NSA2: variants seen among roughly 807,000 people sequenced by gnomAD.
NSA2 encodes the protein NSA2 ribosome biogenesis factor, also known as ribosome biogenesis protein NSA2 homolog.
Under a neutral mutation model 34.8 loss-of-function variants are expected in NSA2, and 18 were observed. The ratio of observed to expected loss-of-function variants is 0.52; its 90% CI spans 0.36 to 0.77. The LOEUF (loss-of-function observed/expected upper bound fraction) is 0.77, where lower values mean the gene tolerates loss of function less well. NSA2 is among the 30% of genes least tolerant of loss of function. The pLI is 0.00. For missense variants in NSA2, 188 were observed against 314.7 expected (o/e 0.60, Z 3.05); for synonymous variants, 79 against 100.2 (o/e 0.79, Z 1.26).
Position 74,770,778 on chromosome 5 carries a change from C to T in NSA2, c.490C>T (p.Pro164Ser). The T allele has an allele frequency of 6.2e-7, 1 of 1,610,618 alleles. No individual in the cohort carries two copies. Among genetic ancestry groups the T allele is most frequent in the Non-Finnish European group, 8.5e-7 (1 of 1,178,804 alleles). ...TGTTGGAGATGGCTTTACAAGAAAACCACCTAAATATGAAAGATTCATCAG... is the reference window on the plus strand; with the variant it reads ...TGTTGGAGATGGCTTTACAAGAAAATCACCTAAATATGAAAGATTCATCAG... The part of the protein sequence containing the change: ...CFVGDGFTRK[P>S]PKYERFIRPM... The change falls in exon 4 of 6, where the codon CCA becomes TCA. Residue 164 changes from proline to serine, a missense_variant. Pro to Ser is a moderately conservative substitution (Grantham distance 74). Coordinates refer to ENST00000610426, the MANE Select transcript of NSA2 (RefSeq NM_014886.6).
At position 74,774,030 on chromosome 5, in the gene NSA2, C is replaced by A. The variant is rs368758562; in HGVS notation, c.685C>A (p.Leu229Ile). 1.5e-5 allele frequency: 24 copies of A among 1,613,618 alleles called. No homozygotes were observed. The highest frequency in any genetic ancestry group is 2.0e-5 in the Non-Finnish European group (24 of 1,179,834). Residue 229 changes from leucine (L) to isoleucine (I), a missense_variant, in exon 5 of 6, where the codon CTT becomes ATT. Physicochemically the swap from Leu to Ile is conservative, Grantham distance 5. Transcript: ENST00000610426. ...TGAAGTAAATGTGAGCGAATTGGGCCTTGTGACACAAGGAGGCAAAGTTAT... is the reference window on the plus strand; with the variant it reads ...TGAAGTAAATGTGAGCGAATTGGGCATTGTGACACAAGGAGGCAAAGTTAT... ...VIEVNVSELG[L>I]VTQGGKVIWG...
chr5:74,773,750 G>T, intron 4 of NSA2, 118 bp from the exon 5 acceptor site: 1 of 712,186 alleles, frequency 1.4e-6, no homozygotes, highest in South Asian at 2.3e-5. Flanking sequence ...TCTTTAAGAT[G>T]ACATTATTCA....
intron 1 of NSA2, among the ~76,000 whole-genome samples, chr5:74,768,016 C>T (rs904289125): frequency 2.0e-5 from 3 of 152,164 alleles, no homozygotes; most frequent in Admixed American, 6.5e-5. Flanking sequence ...TTTTTGCAGC[C>T]TTAAAATACG....
rs578178353 is a variant in NSA2, at chr5:74,777,086, T to TGTTAA, written c.*419_*423dup. The TGTTAA allele has an allele frequency of 1.9e-3, 295 of 153,338 alleles. 1 individual carries two copies. Among genetic ancestry groups the TGTTAA allele is most frequent in the Non-Finnish European group, 1.9e-3 (135 of 70,440 alleles). 9.5% of individuals were successfully genotyped at this position (153,338 alleles called of 1,614,324 possible). ...AAAAGGTAGGTAGCATTAATACAGA[T>TGTTAA]GTTAAGTTTATAGTGTTTGTTTACA... is the stretch of plus-strand genomic sequence containing the variant. On this transcript the variant is annotated 3_prime_UTR_variant, in exon 6 of 6. Transcript: ENST00000610426.
rs1456754930 is a variant in NSA2, at chr5:74,767,285, T to C, written c.-76T>C. ...TCCCGGCCTGCGTGGTGTGGGCTTG[T>C]GGGTCTTTGAGACCCGAAAATTGAG... On this transcript the variant is annotated 5_prime_UTR_variant, in exon 1 of 6. Transcript: ENST00000610426. The C allele has an allele frequency of 1.0e-5, 16 of 1,589,542 alleles. No individual in the cohort carries two copies. The Admixed American group carries it at 2.7e-4, about 27-fold the overall frequency.
At chr5:74,774,691 G>A (rs1348675814) in intron 5 of NSA2, among the ~76,000 whole-genome samples, 1 of 152,006 alleles carries the variant, frequency 6.6e-6, no homozygotes, top group African/African-American at 2.4e-5. Flanking sequence ...TAAGAAAATA[G>A]AATAAATTAA....
In NSA2 at chr5:74,778,285, A is replaced by G. The variant is rs151163741; in HGVS notation, c.*1614A>G. On this transcript the variant is annotated 3_prime_UTR_variant, in exon 6 of 6. Coordinates refer to ENST00000610426, the MANE Select transcript of NSA2 (RefSeq NM_014886.6). ...TAACACAGATGAGTAATATTAGTATAAATTTTTTATGTACATTAAGATCTG... is the reference window on the plus strand; with the variant it reads ...TAACACAGATGAGTAATATTAGTATGAATTTTTTATGTACATTAAGATCTG... 3.9e-5 allele frequency: 6 copies of G among 152,194 alleles called. No individual in the cohort carries two copies. The East Asian group carries it at 1.2e-3, about 29-fold the overall frequency. 9.4% of individuals were successfully genotyped at this position (152,194 alleles called of 1,614,324 possible).
Position 74,774,173 on chromosome 5 carries a change from A to G in NSA2, c.715+113A>G, listed in dbSNP as rs1580057138. 7 of 611,044 alleles carry G rather than the reference A, an allele frequency of 1.1e-5. No individual in the cohort carries two copies. The East Asian group carries it at 1.9e-4, about 16-fold the overall frequency. The allele number at this position is 611,044 out of a possible 1,614,324, so 37.9% of individuals were successfully genotyped here. On this transcript the variant is annotated intron_variant, in intron 5 of 5. Transcript: ENST00000610426. ...CAAATTTTTTTAATGCAGTAGAGCT[A>G]AAACACTGTAAATCAGATGTAAATA...
Position 74,773,927 on chromosome 5 carries a change from A to G in NSA2, c.582A>G (p.Leu194=), listed in dbSNP as rs2112422597. The change falls in exon 5 of 6, where the codon CTA becomes CTG. Residue 194 remains leucine, a synonymous_variant. Coordinates refer to ENST00000610426, the MANE Select transcript of NSA2 (RefSeq NM_014886.6). ...CTGAACTGAAAGCCACCTTTTGCCT[A>G]CCAATACTTGGTGTAAAGAAGAATC... ...THPELKATFC[L]PILGVKKNPS... 1 of 1,613,974 alleles carries G rather than the reference A, an allele frequency of 6.2e-7. No homozygotes were observed. Among genetic ancestry groups the G allele is most frequent in the South Asian group, 1.1e-5 (1 of 91,076 alleles).
At chr5:74,773,771 T>C (rs1745022508) in intron 4 of NSA2, 97 bp from the exon 5 acceptor site, 2 of 894,088 alleles carry the variant, frequency 2.2e-6, no homozygotes, top group Non-Finnish European at 3.4e-6. Flanking sequence ...ACCATAGTTT[T>C]TTGGAGATGG....
chr5:74,770,471 T>C (rs985318858), intron 3 of NSA2, among the ~76,000 whole-genome samples, 160 bp from the exon 4 acceptor site: 1 of 152,180 alleles, frequency 6.6e-6, no homozygotes, highest in African/African-American at 2.4e-5. Context: ...ATTTGCAGCT[T>C]ATGAGACAAT....
chr5:74,773,367 G>A (rs1398692187), intron 4 of NSA2, among the ~76,000 whole-genome samples: 4 of 151,518 alleles, frequency 2.6e-5, no homozygotes, highest in Non-Finnish European at 4.4e-5. Flanking sequence ...GGCTAGCTGT[G>A]GTGGCCTGTA....
At chr5:74,771,428 A>T (rs937412268) in intron 4 of NSA2, 2 of 152,232 alleles carry the variant, frequency 1.3e-5, no homozygotes, top group Non-Finnish European at 2.9e-5. Context: ...AGTGATCTAC[A>T]ATATGCCTGA....
intron 3 of NSA2, among the ~76,000 whole-genome samples, chr5:74,770,099 G>C (rs1744867453): frequency 6.6e-6 from 1 of 152,174 alleles, no homozygotes; most frequent in Non-Finnish European, 1.5e-5. Context: ...GGGAAGCCAA[G>C]GCAGGTGGAT....
intron 5 of NSA2, among the ~76,000 whole-genome samples, chr5:74,774,784 A>G (rs1346127411): frequency 6.6e-6 from 1 of 152,254 alleles, no homozygotes; most frequent in Non-Finnish European, 1.5e-5. Flanking sequence ...CAATGACTAA[A>G]GATGTCTTCC....
In NSA2 at chr5:74,770,813, A is replaced by G. The variant is rs777126102; in HGVS notation, c.522+3A>G. 17 of 1,566,466 alleles carry G rather than the reference A, an allele frequency of 1.1e-5. No individual in the cohort carries two copies. The highest frequency in any genetic ancestry group is 1.5e-5 in the Non-Finnish European group (17 of 1,159,628). ...ATGAAAGATTCATCAGGCCAATGGT[A>G]AGTCCTTGGAAGAGTGTAATGACCG... On this transcript the variant is annotated splice_donor_region_variant and intron_variant, in intron 4 of 5. Transcript: ENST00000610426.
chr5:74,772,057 C>G (rs1561276293), intron 4 of NSA2, among the ~76,000 whole-genome samples: 10 of 150,528 alleles, frequency 6.6e-5, no homozygotes. Context: ...TACACAGCCT[C>G]AAAAAAACAA....
Position 74,769,372 on chromosome 5 carries a change from A to G in NSA2, c.342+8A>G, listed in dbSNP as rs767972309. Reference sequence around the variant, plus strand: ...AAAAGAAAAGAGAAGGCGGTAAGCAATAACAATTGAAGTCTTTGTTTTGTT... The same window carrying G: ...AAAAGAAAAGAGAAGGCGGTAAGCAGTAACAATTGAAGTCTTTGTTTTGTT... On this transcript the variant is annotated splice_region_variant and intron_variant, in intron 3 of 5. Coordinates refer to ENST00000610426, the MANE Select transcript of NSA2 (RefSeq NM_014886.6). 1.3e-6 allele frequency: 2 copies of G among 1,588,078 alleles called. No individual in the cohort carries two copies. The highest frequency in any genetic ancestry group is 1.4e-5 in the African/African-American group (1 of 73,234).
chr5:74,769,183 A>T, intron 2 of NSA2, 31 bp from the exon 3 acceptor site: 1 of 1,594,280 alleles, frequency 6.3e-7, no homozygotes, highest in Non-Finnish European at 8.5e-7. Flanking sequence ...ATTAAAACAG[A>T]TAATCTTGAA....
Sources: gnomAD v4.1 joint callset for allele counts (sites outside exome capture counted in the v4.1 genomes callset) on GRCh38, gnomAD v4.1.1 for gene constraint, MANE v1.5 for transcripts, NCBI Gene and HGNC (gene_info 2026-07-23, HGNC 2026-07-21) for gene names.